Variants in GIN1 observed in about 807,000 individuals in gnomAD.
GIN1 encodes gypsy retrotransposon integrase-like protein 1.
In GIN1, 41 loss-of-function variants were observed where a neutral mutation model predicts 51.4. The observed-to-expected ratio is 0.80, with a 90% CI of 0.62 to 1.04. The LOEUF (loss-of-function observed/expected upper bound fraction) is 1.04, where lower values mean the gene tolerates loss of function less well. Ranked by LOEUF, GIN1 falls within the 50% of genes least tolerant of loss-of-function variation. The pLI, the probability that GIN1 is intolerant of heterozygous loss-of-function variation, is 0.00. For missense variants in GIN1, 610 were observed against 612.4 expected (o/e 1.00, Z 0.04); for synonymous variants, 222 against 206.5 (o/e 1.07, Z -0.64).
At chr5:103,115,404 G>A (rs1157511787) in intron 1 of GIN1, among the ~76,000 whole-genome samples, 1 of 152,134 alleles carries the variant, frequency 6.6e-6, no homozygotes, top group Non-Finnish European at 1.5e-5. Flanking sequence ...TAAGCTTAGT[G>A]AAATGAACCT....
chr5:103,087,986 G>A lies in GIN1; in HGVS notation c.1481C>T (p.Ser494Phe), dbSNP rs1366909171. Residue 494 changes from serine to phenylalanine, a missense_variant, in exon 8 of 8, where the codon TCT becomes TTT. Physicochemically the swap from Ser to Phe is radical, Grantham distance 155 (BLOSUM62 -2). Coordinates refer to ENST00000399004, the MANE Select transcript of GIN1 (RefSeq NM_017676.2). ...AGAACTATGATCGTCTATCAATGGA[G>A]AGATTTTCGTATTTCTATATTCTAA... ...ELLEYRNTKI[S>F]PLIDDHSSLE... The A allele has an allele frequency of 1.9e-6, 3 of 1,597,424 alleles. No individual in the cohort carries two copies. Among genetic ancestry groups the A allele is most frequent in the South Asian group, 2.2e-5 (2 of 90,654 alleles).
rs1554194083 is a variant in GIN1, at chr5:103,087,950, T to C, written c.1517A>G (p.Gln506Arg). ...TGAAGAGTCCAACAGACTGAAAGTC[T>C]GCTTTTCAAGAGAACTATGATCGTC... ...LIDDHSSLEKQTFSLLDSSNQ... is the reference protein window; with the variant it reads ...LIDDHSSLEKRTFSLLDSSNQ... The change falls in exon 8 of 8, where the codon CAG becomes CGG. Residue 506 changes from glutamine to arginine, a missense_variant. Physicochemically the swap from Gln to Arg is conservative, Grantham distance 43 (BLOSUM62 1). Transcript: ENST00000399004. The C allele has an allele frequency of 2.5e-6, 4 of 1,598,484 alleles. No homozygotes were observed. The highest frequency in any genetic ancestry group is 3.4e-6 in the Non-Finnish European group (4 of 1,167,586).
At chr5:103,091,079 A>C (rs920569077) in intron 7 of GIN1, among the ~76,000 whole-genome samples, 33 of 152,208 alleles carry the variant, frequency 2.2e-4, no homozygotes, top group African/African-American at 7.5e-4. Flanking sequence ...TTTACAAAAA[A>C]AATTCTCATT....
At chr5:103,108,899 T>C (rs1037707337) in intron 1 of GIN1, among the ~76,000 whole-genome samples, 185 bp from the exon 2 acceptor site, 9 of 152,034 alleles carry the variant, frequency 5.9e-5, no homozygotes, top group Admixed American at 1.3e-4. Flanking sequence ...ACTCAAATGC[T>C]ATTTTTGATA....
chr5:103,088,759 A>G lies in GIN1; in HGVS notation c.1295-587T>C, dbSNP rs537232477. Among the ~76,000 whole-genome samples the G allele has an allele frequency of 5.8e-4, 89 of 152,234 alleles. 1 individual carries two copies. In the South Asian group the frequency reaches 0.018, roughly 32 times the overall value. On this transcript the variant is annotated intron_variant, in intron 7 of 7. Transcript: ENST00000399004. ...CAGTGAGCCATGATGGCACCACTGCACTCCAGCATGGGTGACAGAGCAAAA... is the reference window on the plus strand; with the variant it reads ...CAGTGAGCCATGATGGCACCACTGCGCTCCAGCATGGGTGACAGAGCAAAA...
In GIN1 at chr5:103,086,389, T is replaced by A. The variant is rs1787076293; in HGVS notation, c.*1509A>T. Reference sequence around the variant, plus strand: ...ACACAAATTTTGGGAGGGGCACATATCAATCCTTAATAGTATTCAAAGCTC... The same window carrying A: ...ACACAAATTTTGGGAGGGGCACATAACAATCCTTAATAGTATTCAAAGCTC... On this transcript the variant is annotated 3_prime_UTR_variant, in exon 8 of 8. Transcript: ENST00000399004. 1 of 152,204 alleles carries A rather than the reference T, an allele frequency of 6.6e-6. No individual in the cohort carries two copies. The highest frequency in any genetic ancestry group is 2.4e-5 in the African/African-American group (1 of 41,440). 9.4% of individuals were successfully genotyped at this position (152,204 alleles called of 1,614,324 possible). A position where few individuals can be genotyped will look rare whatever the true frequency, so the allele number is the denominator to read the frequency against.
chr5:103,111,182 T>TAA (rs59588450), intron 1 of GIN1, among the ~76,000 whole-genome samples: 214 of 149,496 alleles, frequency 1.4e-3, no homozygotes, highest in African/African-American at 4.9e-3. Flanking sequence ...CCTCAACTCT[T>TAA]AAAAAAAAAA....
intron 7 of GIN1, among the ~76,000 whole-genome samples, chr5:103,094,070 G>A: frequency 6.6e-6 from 1 of 152,068 alleles, no homozygotes; most frequent in East Asian, 1.9e-4. Context: ...TAGTTCTTTT[G>A]GCTATAGCAT....
intron 1 of GIN1, among the ~76,000 whole-genome samples, chr5:103,113,302 C>G (rs532500833): frequency 6.6e-6 from 1 of 152,290 alleles, no homozygotes; most frequent in Non-Finnish European, 1.5e-5. Flanking sequence ...ACAGAAATTT[C>G]TTTCTCACAG....
chr5:103,103,149 G>C (rs1787622158), intron 4 of GIN1, among the ~76,000 whole-genome samples: 1 of 152,150 alleles, frequency 6.6e-6, no homozygotes, highest in African/African-American at 2.4e-5. Context: ...CTTTCCTTCT[G>C]AGAGTCTGGA....
At chr5:103,100,652 G>A (rs1344081053) in intron 4 of GIN1, among the ~76,000 whole-genome samples, 4 of 151,384 alleles carry the variant, frequency 2.6e-5, no homozygotes, top group African/African-American at 9.7e-5. Context: ...TCTCACCTCA[G>A]CCTCCCAAAA....
Position 103,087,870 on chromosome 5 carries a change from A to AAG in GIN1, c.*27_*28insCT. The AAG allele has an allele frequency of 1.0e-6, 1 of 955,222 alleles. No homozygotes were observed. The allele number at this position is 955,222 out of a possible 1,614,324, so 59.2% of individuals were successfully genotyped here. A position where few individuals can be genotyped will look rare whatever the true frequency, so the allele number is the denominator to read the frequency against. ...ATCATTAAGAATTTATATTCTAAAC[A>AAG]AACAATTTAAATAAATTTTGGTATT... On this transcript the variant is annotated 3_prime_UTR_variant, in exon 8 of 8. Transcript: ENST00000399004.
At chr5:103,101,253 A>G (rs1554195764) in intron 4 of GIN1, among the ~76,000 whole-genome samples, 1 of 152,236 alleles carries the variant, frequency 6.6e-6, no homozygotes, top group Non-Finnish European at 1.5e-5. Context: ...TGATGGGGAG[A>G]GAGTAGCATA....
intron 1 of GIN1, among the ~76,000 whole-genome samples, chr5:103,114,994 A>G (rs1211686300): frequency 6.6e-6 from 1 of 152,184 alleles, no homozygotes; most frequent in Non-Finnish European, 1.5e-5. Context: ...CTGAAATGAC[A>G]CAAGGAATGA....
At chr5:103,100,119 T>A (rs372380691) in intron 4 of GIN1, among the ~76,000 whole-genome samples, 6 of 151,990 alleles carry the variant, frequency 3.9e-5, no homozygotes, top group East Asian at 1.9e-4. Flanking sequence ...TTTATTTTTT[T>A]TTTTTGAGAC....
intron 3 of GIN1, among the ~76,000 whole-genome samples, chr5:103,106,052 C>T (rs928373399): frequency 6.6e-6 from 1 of 152,014 alleles, no homozygotes; most frequent in South Asian, 2.1e-4. Flanking sequence ...TGTACTACTA[C>T]AATTATTAAG....
At chr5:103,093,511 A>G (rs1554194746) in intron 7 of GIN1, among the ~76,000 whole-genome samples, 1 of 152,218 alleles carries the variant, frequency 6.6e-6, no homozygotes, top group Non-Finnish European at 1.5e-5. Context: ...AGTAAGATCT[A>G]TGTTGAACTT....
intron 7 of GIN1, among the ~76,000 whole-genome samples, chr5:103,095,093 C>G (rs527691177): frequency 1.2e-4 from 18 of 152,252 alleles, no homozygotes; most frequent in Middle Eastern, 3.4e-3. Context: ...TGTTGTTACT[C>G]TTTTTGTTAT....
In GIN1 at chr5:103,087,875, A is replaced by C. The variant is rs469094; in HGVS notation, c.*23T>G. 286,829 of 1,013,010 alleles carry C rather than the reference A, an allele frequency of 0.28. 43,306 individuals are homozygous for C. The highest frequency in any genetic ancestry group is 0.45 in the East Asian group (17,439 of 38,368). 62.8% of individuals were successfully genotyped at this position (1,013,010 alleles called of 1,614,324 possible). A position where few individuals can be genotyped will look rare whatever the true frequency, so the allele number is the denominator to read the frequency against. ...TAAGAATTTATATTCTAAACAAACA[A>C]TTTAAATAAATTTTGGTATTTACTA... is the stretch of plus-strand genomic sequence containing the variant. On this transcript the variant is annotated 3_prime_UTR_variant, in exon 8 of 8. Transcript: ENST00000399004.
Sources: gnomAD v4.1 joint callset for allele counts (sites outside exome capture counted in the v4.1 genomes callset) on GRCh38, gnomAD v4.1.1 for gene constraint, MANE v1.5 for transcripts, NCBI Gene and HGNC (gene_info 2026-07-23, HGNC 2026-07-21) for gene names.